KATNAL1: variants seen among roughly 807,000 people sequenced by gnomAD.
The protein encoded by KATNAL1 is katanin p60 ATPase-containing subunit A-like 1.
A neutral mutation model predicts 55.2 loss-of-function variants in KATNAL1; 32 were observed. The ratio of observed to expected loss-of-function variants is 0.58; its 90% CI spans 0.44 to 0.78. KATNAL1 has a LOEUF of 0.78. Among genes scored for constraint, KATNAL1 ranks in the 30% least tolerant of loss-of-function variants. The probability of loss-of-function intolerance (pLI) is 0.00; values close to 1 mark genes in which losing one functional copy is unlikely to be tolerated. For synonymous variants in KATNAL1, 193 were observed against 193.6 expected (o/e 1.00, Z 0.02); for missense variants, 466 against 600.9 (o/e 0.78, Z 2.35).
chr13:30,245,355 C>G (rs777999067), intron 4 of KATNAL1, among the ~76,000 whole-genome samples: 10 of 152,260 alleles, frequency 6.6e-5, no homozygotes, highest in Non-Finnish European at 8.8e-5. Flanking sequence ...ATTCAACACC[C>G]CTTCATGCTA....
chr13:30,281,205 G>A (rs1424297257), intron 2 of KATNAL1, among the ~76,000 whole-genome samples: 2 of 146,166 alleles, frequency 1.4e-5, no homozygotes, highest in African/African-American at 5.2e-5. Context: ...CAGAAAGCAC[G>A]TCACACTGTA....
chr13:30,228,133 A>G (rs1208015068), intron 8 of KATNAL1, among the ~76,000 whole-genome samples: 1 of 152,202 alleles, frequency 6.6e-6, no homozygotes, highest in Non-Finnish European at 1.5e-5. Flanking sequence ...CAAACCAACT[A>G]CATGTATATA....
intron 1 of KATNAL1, among the ~76,000 whole-genome samples, chr13:30,284,188 A>G (rs9550550): frequency 0.16 from 24,952 of 152,152 alleles, 2,578 homozygotes; most frequent in East Asian, 0.3. Context: ...CAAAATAGTT[A>G]CCATTCTTTG....
chr13:30,247,318 A>G (rs1258224145), intron 4 of KATNAL1, among the ~76,000 whole-genome samples: 1 of 152,258 alleles, frequency 6.6e-6, no homozygotes, highest in Admixed American at 6.5e-5. Context: ...AAATGCAAAC[A>G]GTGCTTACTA....
chr13:30,271,891 A>C (rs1593924401), intron 3 of KATNAL1, among the ~76,000 whole-genome samples: 1 of 151,402 alleles, frequency 6.6e-6, no homozygotes, highest in Non-Finnish European at 1.5e-5. Flanking sequence ...AAAAAAAAAA[A>C]AAAAAAAAAC....
intron 6 of KATNAL1, among the ~76,000 whole-genome samples, chr13:30,240,151 C>T (rs1877119857): frequency 6.6e-6 from 1 of 152,140 alleles, no homozygotes; most frequent in African/African-American, 2.4e-5. Context: ...ATTATTTCTG[C>T]TTAATCTGCT....
intron 2 of KATNAL1, among the ~76,000 whole-genome samples, chr13:30,280,980 A>C (rs1881237376): frequency 6.6e-6 from 1 of 152,120 alleles, no homozygotes; most frequent in Admixed American, 6.5e-5. Flanking sequence ...CAGGCATGAC[A>C]GCATGAGTCT....
chr13:30,256,919 C>CT (rs1878845745), intron 3 of KATNAL1, among the ~76,000 whole-genome samples: 1 of 152,184 alleles, frequency 6.6e-6, no homozygotes, highest in Non-Finnish European at 1.5e-5. Context: ...CTCTACCACA[C>CT]TGACCCTAGG....
At chr13:30,297,286 G>A (rs921192495) in intron 1 of KATNAL1, among the ~76,000 whole-genome samples, 1 of 152,134 alleles carries the variant, frequency 6.6e-6, no homozygotes, top group African/African-American at 2.4e-5. Context: ...ACCCTGATCT[G>A]TCAGCAGCCA....
chr13:30,210,348 G>A lies in KATNAL1; in HGVS notation c.1242C>T (p.Gly414=). ...CATTAGTGATGTCAGCACCAGAATAGCCCTCAATCTTCTCGGCTATATCTT... is the reference window on the plus strand; with the variant it reads ...CATTAGTGATGTCAGCACCAGAATAACCCTCAATCTTCTCGGCTATATCTT... ...QLEDIAEKIE[G]YSGADITNVC... is the part of the protein sequence containing the mutation. The change falls in exon 10 of 11, where the codon GGC becomes GGT. Residue 414 remains glycine, a synonymous_variant. Coordinates refer to ENST00000380615, the MANE Select transcript of KATNAL1 (RefSeq NM_032116.5). The A allele has an allele frequency of 6.2e-7, 1 of 1,607,264 alleles. No homozygotes were observed. The highest frequency in any genetic ancestry group is 1.1e-5 in the South Asian group (1 of 89,854).
chr13:30,299,556 A>C (rs998523843), intron 1 of KATNAL1, among the ~76,000 whole-genome samples: 4 of 152,196 alleles, frequency 2.6e-5, no homozygotes, highest in Non-Finnish European at 5.9e-5. Context: ...CTTGAAACAT[A>C]GTTTTTTAAA....
intron 6 of KATNAL1, among the ~76,000 whole-genome samples, chr13:30,239,930 C>A (rs1330628270): frequency 1.3e-5 from 2 of 152,086 alleles, no homozygotes; most frequent in African/African-American, 2.4e-5. Flanking sequence ...GTGATCCACC[C>A]TCCTCAGCCT....
intron 2 of KATNAL1, among the ~76,000 whole-genome samples, chr13:30,282,717 G>C (rs2137536005): frequency 6.6e-6 from 1 of 151,758 alleles, no homozygotes; most frequent in East Asian, 1.9e-4. Flanking sequence ...CACTTTGGGA[G>C]GCCGAGGCAG....
chr13:30,295,086 T>G (rs976263622), intron 1 of KATNAL1, among the ~76,000 whole-genome samples: 1 of 152,252 alleles, frequency 6.6e-6, no homozygotes, highest in Admixed American at 6.5e-5. Flanking sequence ...GCTGTTTTCA[T>G]GCCTGCTTAT....
chr13:30,240,210 T>C (rs535632187), intron 6 of KATNAL1, among the ~76,000 whole-genome samples: 1 of 152,290 alleles, frequency 6.6e-6, no homozygotes, highest in East Asian at 1.9e-4. Context: ...TTAAAACTAA[T>C]CTCTAGCTCA....
intron 9 of KATNAL1, among the ~76,000 whole-genome samples, chr13:30,215,321 T>C (rs546740105): frequency 6.6e-5 from 10 of 152,322 alleles, no homozygotes; most frequent in African/African-American, 2.2e-4. Context: ...TTTTACACTG[T>C]TGATGGGACC....
intron 9 of KATNAL1, among the ~76,000 whole-genome samples, chr13:30,211,645 A>G (rs1037213893): frequency 6.6e-6 from 1 of 152,160 alleles, no homozygotes; most frequent in South Asian, 2.1e-4. Context: ...TTCTCCCCCA[A>G]TTGATCTTAT....
Position 30,283,796 on chromosome 13 carries a change from A to G in KATNAL1, c.-14-5T>C, listed in dbSNP as rs764221876. ...AATTCATCTTCTTTCAGAGACCTAA[A>G]CATAAAATATAATGACTTTTTAAAA... is the stretch of plus-strand genomic sequence containing the variant. On this transcript the variant is annotated splice_region_variant and splice_polypyrimidine_tract_variant and intron_variant, in intron 1 of 10. Transcript: ENST00000380615. The G allele has an allele frequency of 6.3e-7, 1 of 1,585,046 alleles. No individual in the cohort carries two copies. Among genetic ancestry groups the G allele is most frequent in the African/African-American group, 1.4e-5 (1 of 73,840 alleles).
At chr13:30,228,185 A>G (rs922197254) in intron 8 of KATNAL1, among the ~76,000 whole-genome samples, 1 of 152,208 alleles carries the variant, frequency 6.6e-6, no homozygotes, top group African/African-American at 2.4e-5. Context: ...AGAATAAAAA[A>G]TTTCAGGTCA....
Sources: gnomAD v4.1 joint callset for allele counts (sites outside exome capture counted in the v4.1 genomes callset) on GRCh38, gnomAD v4.1.1 for gene constraint, MANE v1.5 for transcripts, NCBI Gene and HGNC (gene_info 2026-07-23, HGNC 2026-07-21) for gene names.